The following TACC1 variants were observed in gnomAD, a reference collection of about 807,000 sequenced individuals.
TACC1 encodes the protein transforming acidic coiled-coil-containing protein 1.
Under a neutral mutation model 84.4 loss-of-function variants are expected in TACC1, and 48 were observed. The observed-to-expected ratio is 0.57, with a 90% CI of 0.45 to 0.72. The LOEUF (loss-of-function observed/expected upper bound fraction) is 0.72, where lower values mean the gene tolerates loss of function less well. Ranked by LOEUF, TACC1 falls within the 30% of genes least tolerant of loss-of-function variation. The pLI is 0.00. For synonymous variants in TACC1, 372 were observed against 376.3 expected, an observed-to-expected ratio of 0.99 and a Z score of 0.13; for missense variants, 920 against 973.0, an observed-to-expected ratio of 0.95 and a Z score of 0.72.
intron 2 of TACC1, among the ~76,000 whole-genome samples, chr8:38,812,300 T>C (rs1824370765): frequency 6.6e-6 from 1 of 151,234 alleles, no homozygotes; most frequent in African/African-American, 2.5e-5. Flanking sequence ...TCCCTGTTCG[T>C]ACACCCCCTC....
Position 38,852,492 on chromosome 8 carries a change from T to C in TACC1, c.*4469T>C, listed in dbSNP as rs1271622380. Reference sequence around the variant, plus strand: ...TATACTCAAAACAGTAATTTCCTGGTCACATCATTAACTGCTAATTCTGTA... The same window carrying C: ...TATACTCAAAACAGTAATTTCCTGGCCACATCATTAACTGCTAATTCTGTA... On this transcript the variant is annotated 3_prime_UTR_variant, in exon 13 of 13. Transcript: ENST00000317827. 1 of 152,676 alleles carries C rather than the reference T, an allele frequency of 6.5e-6. No homozygotes were observed. Among genetic ancestry groups the C allele is most frequent in the Non-Finnish European group, 1.5e-5 (1 of 68,194 alleles). 9.5% of individuals were successfully genotyped at this position (152,676 alleles called of 1,614,324 possible).
At chr8:38,733,249 C>T (rs1393942656) in intron 1 of TACC1, among the ~76,000 whole-genome samples, 1 of 152,046 alleles carries the variant, frequency 6.6e-6, no homozygotes, top group African/African-American at 2.4e-5. Context: ...GGACTCCCAC[C>T]AAGCCCCGCT....
At position 38,788,728 on chromosome 8, in the gene TACC1, G is replaced by A; in HGVS notation, c.186G>A (p.Glu62=). ...SFSSDSEGNF[E]TPEAETPIRS... ...GCTCGGATTCTGAAGGTAATTTTGA[G>A]ACTCCTGAAGCTGAAACCCCGATCC... The change falls in exon 2 of 13, where the codon GAG becomes GAA. Residue 62 remains glutamate (E), a synonymous_variant. Transcript: ENST00000317827. The A allele has an allele frequency of 1.9e-6, 3 of 1,613,788 alleles. No homozygotes were observed. The highest frequency in any genetic ancestry group is 2.5e-6 in the Non-Finnish European group (3 of 1,179,902).
chr8:38,779,177 G>A (rs1232214716), intron 3 of TACC1, among the ~76,000 whole-genome samples: 2 of 152,022 alleles, frequency 1.3e-5, no homozygotes, highest in Non-Finnish European at 2.9e-5. Context: ...GTTTTGCTAT[G>A]TTGCTCAGGC....
intron 2 of TACC1, among the ~76,000 whole-genome samples, chr8:38,794,294 T>C (rs1047715928): frequency 3.9e-5 from 6 of 152,194 alleles, no homozygotes; most frequent in African/African-American, 1.4e-4. Flanking sequence ...TAACATTTTA[T>C]TTTCTTAAAT....
At chr8:38,834,949 A>G (rs1050866836) in intron 6 of TACC1, among the ~76,000 whole-genome samples, 18 of 152,254 alleles carry the variant, frequency 1.2e-4, no homozygotes, top group Admixed American at 3.3e-4. Context: ...TAGATGACTC[A>G]TTTATATAAA....
chr8:38,846,607 A>C, intron 11 of TACC1, 92 bp from the exon 12 acceptor site: 3 of 1,486,786 alleles, frequency 2.0e-6, no homozygotes, highest in Non-Finnish European at 2.7e-6. Context: ...CCTGTGCCTC[A>C]CAGATGTCAG....
chr8:38,847,209 A>ATGTTAGG (rs1401522312), intron 12 of TACC1, among the ~76,000 whole-genome samples: 1 of 152,034 alleles, frequency 6.6e-6, no homozygotes, highest in East Asian at 1.9e-4. Context: ...CCTCCAGGGG[A>ATGTTAGG]TGTTAGGTGT....
chr8:38,841,099 A>G (rs1362047555), intron 9 of TACC1, among the ~76,000 whole-genome samples: 2 of 152,216 alleles, frequency 1.3e-5, no homozygotes, highest in East Asian at 1.9e-4. Context: ...ACAGAGTTAG[A>G]GTCTTGCATC....
upstream of TACC1, among the ~76,000 whole-genome samples, chr8:38,786,606 C>G (rs1363239304): frequency 1.3e-5 from 2 of 152,118 alleles, no homozygotes; most frequent in African/African-American, 2.4e-5. Flanking sequence ...ATTTAGTACC[C>G]TTTACCTAAG....
chr8:38,760,038 A>T (rs1256257517), intron 3 of TACC1, among the ~76,000 whole-genome samples: 1 of 151,960 alleles, frequency 6.6e-6, no homozygotes, highest in African/African-American at 2.4e-5. Context: ...CTTTTTTTAA[A>T]AAAAAAAAAT....
At chr8:38,750,403 AG>A (rs1408295647) in intron 3 of TACC1, among the ~76,000 whole-genome samples, 5 of 152,252 alleles carry the variant, frequency 3.3e-5, no homozygotes, top group African/African-American at 9.6e-5. Context: ...AAGACGAGGT[AG>A]AGGGCAAGGA....
intron 3 of TACC1, among the ~76,000 whole-genome samples, chr8:38,752,879 T>G (rs1370881340): frequency 6.6e-6 from 1 of 152,068 alleles, no homozygotes. Context: ...TGTGAACGAT[T>G]CTGAGCCCCA....
rs1332604842 is a variant in TACC1, at chr8:38,755,743, CAACAACAACA to C, written c.26+10251_26+10260del. Reference sequence around the variant, plus strand: ...ACAACAACAACAACAACAACAACAACAACAACAACAGAGTGTTCCTGCCTTTAAAGAACTT... The same window carrying C: ...ACAACAACAACAACAACAACAACAACGAGTGTTCCTGCCTTTAAAGAACTT... On this transcript the variant is annotated intron_variant, in intron 3 of 14. Transcript: ENST00000518415. 1.7e-3 allele frequency among the ~76,000 whole-genome samples: 157 copies of C among 93,508 alleles called. 1 individual carries two copies. The highest frequency in any genetic ancestry group is 5.5e-3 in the African/African-American group (151 of 27,446). The allele number at this position is 93,508 out of a possible 152,430, so 61.3% of individuals were successfully genotyped here.
intron 3 of TACC1, among the ~76,000 whole-genome samples, chr8:38,766,757 A>T (rs1462342415): frequency 2.0e-5 from 3 of 152,218 alleles, no homozygotes; most frequent in African/African-American, 4.8e-5. Context: ...ACAGATGAAG[A>T]AACTGAGGCC....
intron 1 of TACC1, among the ~76,000 whole-genome samples, chr8:38,734,829 C>T (rs1428734742): frequency 6.6e-6 from 1 of 152,268 alleles, no homozygotes; most frequent in Non-Finnish European, 1.5e-5. Context: ...GTGCCTGCGG[C>T]CTGCTGACGC....
intron 2 of TACC1, among the ~76,000 whole-genome samples, chr8:38,808,194 G>T (rs564013682): frequency 3.3e-5 from 5 of 152,326 alleles, no homozygotes; most frequent in Admixed American, 2.6e-4. Context: ...TGCCCTGGAA[G>T]AAGGTTTTTA....
intron 3 of TACC1, among the ~76,000 whole-genome samples, chr8:38,779,572 T>C (rs1039784637): frequency 6.6e-6 from 1 of 152,256 alleles, no homozygotes; most frequent in Admixed American, 6.5e-5. Context: ...TACTTCCTTA[T>C]ACTGAAGAAT....
chr8:38,766,048 A>G (rs1812189539), intron 3 of TACC1, among the ~76,000 whole-genome samples: 1 of 152,254 alleles, frequency 6.6e-6, no homozygotes, highest in African/African-American at 2.4e-5. Flanking sequence ...TTGTAATAAT[A>G]GGACATAAAG....
Sources: allele counts gnomAD v4.1 joint callset (sites outside exome capture counted in the v4.1 genomes callset), GRCh38; gene constraint gnomAD v4.1.1; transcripts MANE v1.5; gene names NCBI Gene and HGNC (gene_info 2026-07-23, HGNC 2026-07-21).